IGSF9B: variants seen among roughly 807,000 people sequenced by gnomAD.
The protein encoded by IGSF9B is protein turtle homolog B.
IGSF9B carries 48 observed loss-of-function variants against 143.7 expected under a neutral mutation model. The ratio of observed to expected loss-of-function variants is 0.33; its 90% CI spans 0.26 to 0.42. The LOEUF (loss-of-function observed/expected upper bound fraction) is 0.42, where lower values mean the gene tolerates loss of function less well. IGSF9B is among the 20% of genes least tolerant of loss of function. The pLI, the probability that IGSF9B is intolerant of heterozygous loss-of-function variation, is 1.00. For missense variants in IGSF9B, 1,706 were observed against 1,980.0 expected (o/e 0.86, Z 2.63); for synonymous variants, 903 against 833.1 (o/e 1.08, Z -1.44).
chr11:133,956,008 G>A (rs1940246003), intron 1 of IGSF9B, among the ~76,000 whole-genome samples: 1 of 152,080 alleles, frequency 6.6e-6, no homozygotes, highest in South Asian at 2.1e-4. Context: ...CCTGGCCGGG[G>A]CCCAGGTGCG....
Position 133,946,191 on chromosome 11 carries a change from T to C in IGSF9B, c.132A>G (p.Arg44=). 1 of 1,613,696 alleles carries C rather than the reference T, an allele frequency of 6.2e-7. No homozygotes were observed. The highest frequency in any genetic ancestry group is 8.5e-7 in the Non-Finnish European group (1 of 1,179,796). The change falls in exon 2 of 20, where the codon CGA becomes CGG. Residue 44 remains arginine (R), a synonymous_variant. Transcript: ENST00000533871. ...TARAGESVVL[R]CDVIHPVTGQ... Reference sequence around the variant, plus strand: ...CCGTCACTGGGTGGATCACGTCGCATCGCAGGACCACGCTCTCCCCAGCTC... The same window carrying C: ...CCGTCACTGGGTGGATCACGTCGCACCGCAGGACCACGCTCTCCCCAGCTC...
intron 18 of IGSF9B, among the ~76,000 whole-genome samples, chr11:133,918,234 G>A (rs1408026788): frequency 4.3e-5 from 5 of 116,572 alleles, no homozygotes; most frequent in Admixed American, 3.3e-4. Context: ...GCCCCCGCCC[G>A]CCCAGCCGAG....
Position 133,901,933 on chromosome 11 carries a change from CA to C in IGSF9B, c.*7135del, listed in dbSNP as rs1939131879. Among the ~76,000 whole-genome samples the C allele has an allele frequency of 1.0e-5, 1 of 95,816 alleles. No individual in the cohort carries two copies. The highest frequency in any genetic ancestry group is 2.5e-5 in the Non-Finnish European group (1 of 40,560). 62.9% of individuals were successfully genotyped at this position (95,816 alleles called of 152,430 possible). On this transcript the variant is annotated 3_prime_UTR_variant, in exon 20 of 20. Coordinates refer to ENST00000533871, the MANE Select transcript of IGSF9B (RefSeq NM_001277285.4). ...CACACACAACACACACCAAACCACA[CA>C]ACACACACACACATCACACACATGC...
intron 18 of IGSF9B, chr11:133,919,112 G>A (rs759338265): frequency 9.1e-5 from 20 of 218,922 alleles, no homozygotes; most frequent in African/African-American, 6.3e-4. Flanking sequence ...CTTCCTGCGA[G>A]GTATACGGGG....
At position 133,902,135 on chromosome 11, in the gene IGSF9B, C is replaced by T. The variant is rs529896781; in HGVS notation, c.*6934G>A. On this transcript the variant is annotated 3_prime_UTR_variant, in exon 20 of 20. Transcript: ENST00000533871. ...ACACACACCACACACAGTCCATGTA[C>T]CACACCAAACACACCAGACACACCA... Among the ~76,000 whole-genome samples the T allele has an allele frequency of 2.7e-5, 4 of 147,044 alleles. No individual in the cohort carries two copies. The highest frequency in any genetic ancestry group is 2.1e-4 in the East Asian group (1 of 4,806).
intron 12 of IGSF9B, 77 bp from the exon 13 acceptor site, chr11:133,927,168 G>A (rs1358865477): frequency 3.0e-5 from 37 of 1,229,436 alleles, no homozygotes; most frequent in Non-Finnish European, 4.1e-5. Flanking sequence ...TGCATGCAGG[G>A]TGCTCAGGGA....
chr11:133,922,840 C>T, intron 15 of IGSF9B, 110 bp from the exon 16 acceptor site: 1 of 1,080,224 alleles, frequency 9.3e-7, no homozygotes, highest in Non-Finnish European at 1.3e-6. Context: ...CAGACAGTGT[C>T]AAGGCTCGGG....
intron 18 of IGSF9B, chr11:133,919,050 A>G (rs1253675846): frequency 6.1e-6 from 3 of 491,392 alleles, no homozygotes; most frequent in Non-Finnish European, 1.2e-5. Flanking sequence ...TACAGTTTAG[A>G]GAGTGCTCTC....
Position 133,924,861 on chromosome 11 carries a change from A to C in IGSF9B, c.2078T>G (p.Leu693Arg). Reference protein sequence around the residue: ...EFRVLAVMQDLISEPSNIAGV... With the variant: ...EFRVLAVMQDRISEPSNIAGV... ...GGCGATGTTGCTGGGCTCGCTGATC[A>C]GATCCTGCATGACGGCCAGAACCCG... The change falls in exon 15 of 20, where the codon CTG becomes CGG. Residue 693 changes from leucine (L) to arginine (R), a missense_variant. Around this residue, in one of 7 missense-constraint regions of IGSF9B, gnomAD observed 267 missense variants for 321.1 expected, o/e 0.83. Coordinates refer to ENST00000533871, the MANE Select transcript of IGSF9B (RefSeq NM_001277285.4). 2 of 1,613,772 alleles carry C rather than the reference A, an allele frequency of 1.2e-6. No individual in the cohort carries two copies. Among genetic ancestry groups the C allele is most frequent in the Non-Finnish European group, 1.7e-6 (2 of 1,179,816 alleles).
chr11:133,942,193 T>C (rs1415469161), intron 3 of IGSF9B, among the ~76,000 whole-genome samples: 1 of 152,130 alleles, frequency 6.6e-6, no homozygotes, highest in Non-Finnish European at 1.5e-5. Context: ...ATCTCACACA[T>C]AATTACCCAC....
chr11:133,926,342 C>T (rs1450917104), intron 13 of IGSF9B, among the ~76,000 whole-genome samples: 1 of 152,234 alleles, frequency 6.6e-6, no homozygotes, highest in Non-Finnish European at 1.5e-5. Context: ...TGGGGGTGAG[C>T]ATCCCAGACT....
Position 133,909,258 on chromosome 11 carries a change from A to G in IGSF9B, c.4125T>C (p.Thr1375=). Residue 1375 remains threonine, a synonymous_variant, in exon 20 of 20, where the codon ACT becomes ACC. Transcript: ENST00000533871. The surrounding 1 kb of genome is among the most constrained non-coding windows in gnomAD (Gnocchi z 4.2). ...GAACCTGAGAGTTGGGAAGCTGCTG[A>G]GTCTGGGAGGCAGAATCGTCTAGGA... ...KKRSDDSASQ[T]QQLPNSQVLW... is the part of the protein sequence containing the mutation. 1 of 1,535,830 alleles carries G rather than the reference A, an allele frequency of 6.5e-7. No individual in the cohort carries two copies. Among genetic ancestry groups the G allele is most frequent in the Non-Finnish European group, 8.7e-7 (1 of 1,146,698 alleles).
intron 18 of IGSF9B, 49 bp downstream of exon 18, chr11:133,919,693 G>C: frequency 2.5e-6 from 3 of 1,197,270 alleles, no homozygotes; most frequent in Non-Finnish European, 3.3e-6. Flanking sequence ...AGGCGGGTGG[G>C]GGAAGGAAGT....
chr11:133,944,128 A>C, intron 3 of IGSF9B, 92 bp downstream of exon 3: 2 of 1,382,176 alleles, frequency 1.4e-6, no homozygotes, highest in Non-Finnish European at 1.9e-6. Context: ...TGCAGTTGGG[A>C]GAAGGGCTTC....
Position 133,920,907 on chromosome 11 carries a change from G to T in IGSF9B, c.2818C>A (p.Pro940Thr). ...PRFQPRGLEG[P>T]GGLEGRLQAT... Reference sequence around the variant, plus strand: ...TGAAGCCGACCTTCCAGGCCACCGGGGCCCTCCAGCCCGCGGGGCTGGAAC... The same window carrying T: ...TGAAGCCGACCTTCCAGGCCACCGGTGCCCTCCAGCCCGCGGGGCTGGAAC... Residue 940 changes from proline to threonine, a missense_variant, in exon 18 of 20, where the codon CCC becomes ACC. Pro to Thr is a conservative substitution (Grantham distance 38). Around this residue, in one of 7 missense-constraint regions of IGSF9B, gnomAD observed 880 missense variants for 762.9 expected, o/e 1.15. Coordinates refer to ENST00000533871, the MANE Select transcript of IGSF9B (RefSeq NM_001277285.4). 1 of 1,609,020 alleles carries T rather than the reference G, an allele frequency of 6.2e-7. No homozygotes were observed.
rs866861835 is a variant in IGSF9B, at chr11:133,913,618, G to A, written c.3984-1611C>T. On this transcript the variant is annotated intron_variant, in intron 18 of 19. Coordinates refer to ENST00000533871, the MANE Select transcript of IGSF9B (RefSeq NM_001277285.4). This position sits in a 1 kb window ranked among gnomAD's most constrained non-coding sequence, Gnocchi z 4.6. ...CAGCAGAGCTAAGAAGGCTACACAG[G>A]GTCCCTCAGGTGCACACACAGGCAC... is the stretch of plus-strand genomic sequence containing the variant. Among the ~76,000 whole-genome samples the A allele has an allele frequency of 6.6e-6, 1 of 152,154 alleles. No individual in the cohort carries two copies. The highest frequency in any genetic ancestry group is 2.4e-5 in the African/African-American group (1 of 41,438).
intron 3 of IGSF9B, 107 bp downstream of exon 3, chr11:133,944,113 T>G (rs1591724050): frequency 8.3e-7 from 1 of 1,208,670 alleles, no homozygotes; most frequent in Non-Finnish European, 1.1e-6. Context: ...GGGCAGGGGG[T>G]GAGATGCAGT....
At chr11:133,930,955 C>A in intron 11 of IGSF9B, 29 bp downstream of exon 11, 1 of 1,583,884 alleles carries the variant, frequency 6.3e-7, no homozygotes, top group Non-Finnish European at 8.6e-7. Flanking sequence ...CTGTCCCCGC[C>A]GCCCGGCCCA....
In IGSF9B at chr11:133,906,389, G is replaced by A. The variant is rs1397179537; in HGVS notation, c.*2680C>T. On this transcript the variant is annotated 3_prime_UTR_variant, in exon 20 of 20. Coordinates refer to ENST00000533871, the MANE Select transcript of IGSF9B (RefSeq NM_001277285.4). ...GCCTCCGAGGACACTGTCACAGGAG[G>A]AAGCCCTCAGGGGAGCTGAATGAGT... Among the ~76,000 whole-genome samples the A allele has an allele frequency of 1.3e-5, 2 of 151,546 alleles. No homozygotes were observed. Among genetic ancestry groups the A allele is most frequent in the African/African-American group, 4.9e-5 (2 of 40,798 alleles).
Sources: allele counts gnomAD v4.1 joint callset (sites outside exome capture counted in the v4.1 genomes callset), GRCh38; gene constraint gnomAD v4.1.1; regional missense constraint gnomAD v4.1.1; non-coding constraint Gnocchi (gnomAD v3.1); transcripts MANE v1.5; gene names NCBI Gene and HGNC (gene_info 2026-07-23, HGNC 2026-07-21).